RBFOX1: variants seen among roughly 807,000 people sequenced by gnomAD.
The protein encoded by RBFOX1 is RNA binding protein fox-1 homolog 1.
RBFOX1 carries 8 observed loss-of-function variants against 57.7 expected under a neutral mutation model. That is an observed-to-expected ratio of 0.14 (90% CI 0.08 to 0.25). The LOEUF is 0.25. RBFOX1 is among the 10% of genes least tolerant of loss of function. RBFOX1 has a pLI of 1.00. For missense variants in RBFOX1, 611 were observed against 548.5 expected (o/e 1.11, Z -1.14); for synonymous variants, 326 against 222.4 (o/e 1.47, Z -4.15).
chr16:6,962,006 C>G (rs1220745709), intron 3 of RBFOX1, among the ~76,000 whole-genome samples: 2 of 152,138 alleles, frequency 1.3e-5, no homozygotes, highest in East Asian at 1.9e-4. Flanking sequence ...CAGTAGCTCT[C>G]AGCCTCATTT....
intron 14 of RBFOX1, among the ~76,000 whole-genome samples, chr16:7,701,171 C>G (rs1018111997): frequency 1.4e-5 from 2 of 146,440 alleles, no homozygotes; most frequent in African/African-American, 2.8e-5. Context: ...CAAACAGAGC[C>G]AAGTAGAGAT....
intron 14 of RBFOX1, among the ~76,000 whole-genome samples, chr16:7,684,254 C>T (rs1325184319): frequency 6.6e-6 from 1 of 151,960 alleles, no homozygotes; most frequent in African/African-American, 2.4e-5. Context: ...TGCTTGGTTC[C>T]TGTGGAATTA....
At chr16:6,240,190 C>T (rs1488548437) in intron 1 of RBFOX1, among the ~76,000 whole-genome samples, 1 of 152,124 alleles carries the variant, frequency 6.6e-6, no homozygotes, top group African/African-American at 2.4e-5. Flanking sequence ...GATGAGAGTG[C>T]CATGCTTCCT....
At chr16:7,657,337 CT>C (rs1424591448) in intron 12 of RBFOX1, among the ~76,000 whole-genome samples, 16 of 152,152 alleles carry the variant, frequency 1.1e-4, no homozygotes, top group African/African-American at 3.9e-4. Flanking sequence ...CGGAGTCTTA[CT>C]CTGTCACCCA....
intron 14 of RBFOX1, among the ~76,000 whole-genome samples, chr16:7,707,512 TTCAGGAAATGG>T (rs1294978568): frequency 6.6e-6 from 1 of 152,130 alleles, no homozygotes; most frequent in East Asian, 1.9e-4. Context: ...TGTTCCTTCA[TTCAGGAAATGG>T]TCAAAGAATC....
At chr16:6,422,275 G>A (rs935840457) in intron 2 of RBFOX1, among the ~76,000 whole-genome samples, 3 of 149,530 alleles carry the variant, frequency 2.0e-5, no homozygotes, top group African/African-American at 7.4e-5. Context: ...AGGGGTACAT[G>A]TAGGTGCAGG....
chr16:7,294,031 A>C (rs547920473), intron 4 of RBFOX1, among the ~76,000 whole-genome samples: 7 of 152,192 alleles, frequency 4.6e-5, no homozygotes, highest in African/African-American at 7.2e-5. Flanking sequence ...TTCTGGGGTC[A>C]AAGAACCTTG....
chr16:5,327,348 C>T (rs147403599), intron 1 of RBFOX1, among the ~76,000 whole-genome samples: 33 of 152,236 alleles, frequency 2.2e-4, no homozygotes, highest in Admixed American at 9.8e-4. Context: ...CACAAACTTC[C>T]CTGGTAATTG....
chr16:6,444,329 T>A (rs2185722), intron 2 of RBFOX1, among the ~76,000 whole-genome samples: 1 of 151,736 alleles, frequency 6.6e-6, no homozygotes, highest in African/African-American at 2.4e-5. Flanking sequence ...AGCAGAAGGT[T>A]TGACATGGTT....
intron 3 of RBFOX1, among the ~76,000 whole-genome samples, chr16:5,697,303 A>G (rs1009035801): frequency 6.6e-6 from 1 of 151,912 alleles, no homozygotes; most frequent in Non-Finnish European, 1.5e-5. Context: ...AAATAAATAA[A>G]GCATATACAT....
At chr16:6,746,687 A>G (rs1034327026) in intron 3 of RBFOX1, among the ~76,000 whole-genome samples, 2 of 152,144 alleles carry the variant, frequency 1.3e-5, no homozygotes, top group African/African-American at 4.8e-5. Context: ...CAGGGAAAAA[A>G]AAAAAGTGTT....
intron 4 of RBFOX1, among the ~76,000 whole-genome samples, chr16:7,270,588 C>T (rs903157297): frequency 2.0e-5 from 3 of 152,164 alleles, no homozygotes; most frequent in African/African-American, 4.8e-5. Context: ...ATATTTATTC[C>T]TATGAGATAA....
intron 1 of RBFOX1, among the ~76,000 whole-genome samples, chr16:5,300,426 T>C (rs1022558715): frequency 1.6e-4 from 25 of 152,264 alleles, no homozygotes; most frequent in African/African-American, 6.0e-4. Flanking sequence ...GCTTGGGTGA[T>C]GAGTGCATCA....
intron 3 of RBFOX1, among the ~76,000 whole-genome samples, chr16:5,827,419 AAAG>A (rs2056102787): frequency 1.3e-5 from 2 of 151,650 alleles, no homozygotes; most frequent in African/African-American, 2.4e-5. Context: ...AAAAAAAAAA[AAAG>A]AAAAGAAAAA....
chr16:6,654,028 A>G (rs1327601486), intron 2 of RBFOX1, among the ~76,000 whole-genome samples: 1 of 150,940 alleles, frequency 6.6e-6, no homozygotes, highest in African/African-American at 2.4e-5. Flanking sequence ...GGGTGGGTCA[A>G]TGAATGGATA....
At chr16:6,399,092 G>C (rs1267323853) in intron 2 of RBFOX1, among the ~76,000 whole-genome samples, 12 of 152,232 alleles carry the variant, frequency 7.9e-5, no homozygotes, top group Admixed American at 7.8e-4. Context: ...CAAGGCTTGG[G>C]GCTTGCACCC....
chr16:7,630,483 T>C (rs1318661089), intron 10 of RBFOX1, 120 bp from the exon 11 acceptor site: 1 of 1,533,134 alleles, frequency 6.5e-7, no homozygotes, highest in South Asian at 1.2e-5. Flanking sequence ...ACCCTTGTCC[T>C]GCGCTCTGGG....
At chr16:6,160,713 C>T (rs916839893) in intron 1 of RBFOX1, among the ~76,000 whole-genome samples, 9 of 152,178 alleles carry the variant, frequency 5.9e-5, no homozygotes, top group African/African-American at 2.2e-4. Flanking sequence ...TGGTACCTGG[C>T]ACCACTCCCA....
At chr16:5,717,070 A>G (rs2051730265) in intron 3 of RBFOX1, among the ~76,000 whole-genome samples, 1 of 152,150 alleles carries the variant, frequency 6.6e-6, no homozygotes, top group Non-Finnish European at 1.5e-5. Context: ...GGCTGTCAGA[A>G]ATTAGAAATT....
Sources: allele counts gnomAD v4.1 joint callset (sites outside exome capture counted in the v4.1 genomes callset), GRCh38; gene constraint gnomAD v4.1.1; transcripts MANE v1.5; gene names NCBI Gene and HGNC (gene_info 2026-07-23, HGNC 2026-07-21).